The following AIM2 variants were observed in gnomAD, a reference collection of about 807,000 sequenced individuals.
AIM2 encodes the protein interferon-inducible protein AIM2.
In AIM2, 30 loss-of-function variants were observed where a neutral mutation model predicts 27.7. That is an observed-to-expected ratio of 1.08 (90% CI 0.81 to 1.47). The LOEUF is 1.47. AIM2 is among the 40% of genes most tolerant of loss of function. The pLI, the probability that AIM2 is intolerant of heterozygous loss-of-function variation, is 0.00. For synonymous variants in AIM2, 141 were observed against 145.3 expected (o/e 0.97, Z 0.21); for missense variants, 358 against 411.3 (o/e 0.87, Z 1.12).
chr1:159,133,975 A>G (rs1647962362), intron 1 of AIM2, among the ~76,000 whole-genome samples: 2 of 152,102 alleles, frequency 1.3e-5, no homozygotes, highest in Admixed American at 1.3e-4. Context: ...CTCCTCTACT[A>G]TATCTCAAAA....
chr1:159,123,850 G>A (rs1294324675), intron 1 of AIM2, among the ~76,000 whole-genome samples: 5 of 152,162 alleles, frequency 3.3e-5, no homozygotes, highest in Non-Finnish European at 7.4e-5. Context: ...GTCAAAAGAA[G>A]ACTGTAGTTA....
At chr1:159,056,418 A>AATAAGG in the AIM2 span, among the ~76,000 whole-genome samples, 1,114 of 152,084 alleles carry the variant, frequency 7.3e-3, 14 homozygotes, top group African/African-American at 0.025. Context: ...CTGCCATTAG[A>AATAAGG]ATAAGGATAA....
chr1:159,121,393 T>C (rs1381632490), intron 1 of AIM2, among the ~76,000 whole-genome samples: 2 of 152,210 alleles, frequency 1.3e-5, no homozygotes, highest in Admixed American at 6.5e-5. Flanking sequence ...ATATTGTGAG[T>C]GTACCTGTGA....
chr1:159,113,446 G>A (rs774379542), intron 1 of AIM2, among the ~76,000 whole-genome samples: 4 of 152,020 alleles, frequency 2.6e-5, no homozygotes, highest in African/African-American at 7.3e-5. Context: ...TGGTCAACCC[G>A]TTCAACAATA....
At chr1:159,133,971 T>C (rs963663522) in intron 1 of AIM2, among the ~76,000 whole-genome samples, 2 of 152,192 alleles carry the variant, frequency 1.3e-5, no homozygotes, top group Non-Finnish European at 2.9e-5. Context: ...ACATCTCCTC[T>C]ACTATATCTC....
At chr1:159,137,676 A>C (rs2102056129) in intron 1 of AIM2, among the ~76,000 whole-genome samples, 1 of 152,258 alleles carries the variant, frequency 6.6e-6, no homozygotes, top group South Asian at 2.1e-4. Flanking sequence ...AACAAAAATA[A>C]AACCTATGTG....
At chr1:159,142,599 T>C (rs1400642012), upstream of AIM2, among the ~76,000 whole-genome samples, 1 of 152,180 alleles carries the variant, frequency 6.6e-6, no homozygotes, top group African/African-American at 2.4e-5. Flanking sequence ...AACAAGGATT[T>C]CTCAGCTGTC....
upstream of AIM2, chr1:159,076,969 C>A (rs1656632267): frequency 6.6e-6 from 1 of 152,188 alleles, no homozygotes; most frequent in Non-Finnish European, 1.5e-5. Context: ...GGCCTAGAAA[C>A]TGTAAAAAAT....
chr1:159,072,282 T>C (rs1656393584), intron 2 of AIM2, among the ~76,000 whole-genome samples: 1 of 152,246 alleles, frequency 6.6e-6, no homozygotes, highest in Non-Finnish European at 1.5e-5. Flanking sequence ...TATATCTGTA[T>C]AGAATTATGA....
chr1:159,139,393 C>G (rs1648069464), intron 1 of AIM2, among the ~76,000 whole-genome samples: 1 of 152,184 alleles, frequency 6.6e-6, no homozygotes, highest in Admixed American at 6.5e-5. Flanking sequence ...TATTTTGTGT[C>G]CAGGTACCCT....
chr1:159,131,877 T>G (rs940388228), intron 1 of AIM2, among the ~76,000 whole-genome samples: 1 of 152,142 alleles, frequency 6.6e-6, no homozygotes, highest in African/African-American at 2.4e-5. Context: ...ATGGATGAGA[T>G]TTACAGACAA....
intron 1 of AIM2, among the ~76,000 whole-genome samples, chr1:159,094,289 T>C (rs1657120508): frequency 6.6e-6 from 1 of 152,214 alleles, no homozygotes; most frequent in Non-Finnish European, 1.5e-5. Flanking sequence ...TGCACCAACC[T>C]AATACTAATA....
In AIM2 at chr1:159,062,618, A is replaced by C; in HGVS notation, c.*74T>G. 7.1e-7 allele frequency: 1 copy of C among 1,410,352 alleles called. No homozygotes were observed. The highest frequency in any genetic ancestry group is 1.2e-5 in the South Asian group (1 of 84,176). 87.4% of individuals were successfully genotyped at this position (1,410,352 alleles called of 1,614,324 possible). ...TTTCAGGTAACTTACAATCTGATTG[A>C]AGAGGCTGTATCACATATTCTTCAA... On this transcript the variant is annotated 3_prime_UTR_variant, in exon 6 of 6. Coordinates refer to ENST00000368130, the MANE Select transcript of AIM2 (RefSeq NM_004833.3).
At chr1:159,063,208 T>C (rs935912929) in intron 5 of AIM2, among the ~76,000 whole-genome samples, 1 of 152,230 alleles carries the variant, frequency 6.6e-6, no homozygotes, top group African/African-American at 2.4e-5. Context: ...GGGCAAGCTT[T>C]CTGCTTTAGA....
At chr1:159,093,438 T>C (rs72709591) in intron 1 of AIM2, among the ~76,000 whole-genome samples, 1 of 152,202 alleles carries the variant, frequency 6.6e-6, no homozygotes, top group South Asian at 2.1e-4. Context: ...GTTTGGAACA[T>C]AATGCTGTAT....
intron 1 of AIM2, among the ~76,000 whole-genome samples, chr1:159,111,801 A>C (rs994243046): frequency 4.0e-5 from 6 of 149,976 alleles, no homozygotes; most frequent in Admixed American, 1.3e-4. Context: ...CTACAAAAAA[A>C]AAAAAAAAAA....
intron 4 of AIM2, among the ~76,000 whole-genome samples, 190 bp downstream of exon 4, chr1:159,065,720 T>G (rs1477282262): frequency 6.6e-6 from 1 of 152,248 alleles, no homozygotes; most frequent in Admixed American, 6.5e-5. Flanking sequence ...GTGACATTTT[T>G]GACAATAAAA....
intron 1 of AIM2, among the ~76,000 whole-genome samples, chr1:159,131,125 T>G (rs1647862571): frequency 6.6e-6 from 1 of 152,100 alleles, no homozygotes; most frequent in African/African-American, 2.4e-5. Flanking sequence ...CTAATCAATG[T>G]CTGTCTTCCA....
chr1:159,068,651 C>G lies in AIM2; in HGVS notation c.313G>C (p.Glu105Gln). The change falls in exon 3 of 6, where the codon GAA becomes CAA. Residue 105 changes from glutamate (E) to glutamine (Q), a missense_variant. Transcript: ENST00000368130. ...GCTGCAGATGCAGCAGGACTCATTT[C>G]AGCTTGACTTAGTGGCTTTGGTTTT... ...VTKPKPLSQA[E>Q]MSPAASAAIR... is the part of the protein sequence containing the mutation. The G allele has an allele frequency of 6.2e-7, 1 of 1,613,840 alleles. No individual in the cohort carries two copies. The highest frequency in any genetic ancestry group is 1.1e-5 in the South Asian group (1 of 91,066).
Sources: allele counts gnomAD v4.1 joint callset (sites outside exome capture counted in the v4.1 genomes callset), GRCh38; gene constraint gnomAD v4.1.1; transcripts MANE v1.5; gene names NCBI Gene and HGNC (gene_info 2026-07-23, HGNC 2026-07-21).